Variants in ATL3 observed in about 807,000 individuals in gnomAD.
ATL3 encodes atlastin GTPase 3.
In ATL3, 49 loss-of-function variants were observed where a neutral mutation model predicts 69.5. The observed-to-expected ratio is 0.71, with a 90% CI of 0.56 to 0.89. The LOEUF (loss-of-function observed/expected upper bound fraction) is 0.89, where lower values mean the gene tolerates loss of function less well. Ranked by LOEUF, ATL3 falls within the 40% of genes least tolerant of loss-of-function variation. The probability of loss-of-function intolerance (pLI) is 0.00; values close to 1 mark genes in which losing one functional copy is unlikely to be tolerated. For missense variants in ATL3, 606 were observed against 645.7 expected (o/e 0.94, Z 0.67); for synonymous variants, 214 against 224.1 (o/e 0.95, Z 0.40).
chr11:63,631,016 A>G (rs1939294762), intron 12 of ATL3, 24 bp downstream of exon 12: 4 of 1,575,526 alleles, frequency 2.5e-6, no homozygotes, highest in African/African-American at 1.4e-5. Flanking sequence ...ATCAACCCTC[A>G]GGCTCTTCAG....
chr11:63,658,958 A>G, intron 2 of ATL3, 54 bp from the exon 3 acceptor site: 1 of 1,590,848 alleles, frequency 6.3e-7, no homozygotes. Context: ...TTATGCATCA[A>G]GGATAATCTA....
intron 11 of ATL3, chr11:63,632,200 G>A: frequency 1.7e-6 from 1 of 588,122 alleles, no homozygotes; most frequent in Non-Finnish European, 3.2e-6. Flanking sequence ...ATGACCAATG[G>A]TGGCAGAGTC....
In ATL3 at chr11:63,624,233, TAGCA is replaced by T. The variant is rs2134448774; in HGVS notation, c.*5082_*5085del. The T allele has an allele frequency of 6.6e-6, 1 of 152,354 alleles. No homozygotes were observed. The highest frequency in any genetic ancestry group is 2.4e-5 in the African/African-American group (1 of 41,582). 9.4% of individuals were successfully genotyped at this position (152,354 alleles called of 1,614,324 possible). A position where few individuals can be genotyped will look rare whatever the true frequency, so the allele number is the denominator to read the frequency against. Reference sequence around the variant, plus strand: ...TCAAAGCCACTCAAAGGCAAGGGTCTAGCAGACAGTACTTTTAACAAATCATTTT... The same window carrying T: ...TCAAAGCCACTCAAAGGCAAGGGTCTGACAGTACTTTTAACAAATCATTTT... On this transcript the variant is annotated 3_prime_UTR_variant, in exon 13 of 13. Transcript: ENST00000398868.
upstream of ATL3, chr11:63,671,406 C>T (rs1940775833): frequency 1.3e-6 from 2 of 1,523,810 alleles, no homozygotes; most frequent in Non-Finnish European, 1.8e-6. Flanking sequence ...GGGAACGAAC[C>T]GGGCCCTGGA....
intron 1 of ATL3, among the ~76,000 whole-genome samples, chr11:63,669,608 A>G (rs1940709799): frequency 1.3e-5 from 2 of 152,116 alleles, no homozygotes; most frequent in South Asian, 4.1e-4. Flanking sequence ...CGTTACTTCT[A>G]TTTCATGAAT....
At chr11:63,649,544 T>C (rs887331519) in intron 5 of ATL3, among the ~76,000 whole-genome samples, 1 of 152,082 alleles carries the variant, frequency 6.6e-6, no homozygotes, top group Non-Finnish European at 1.5e-5. Context: ...TCTTTTTTTT[T>C]TTTTAAAGAC....
upstream of ATL3, chr11:63,671,882 A>G (rs528876487): frequency 2.9e-5 from 12 of 409,694 alleles, no homozygotes; most frequent in Non-Finnish European, 4.5e-5. Flanking sequence ...TCCTGGAACC[A>G]CCAGTGTGAG....
At chr11:63,668,785 T>A (rs183554040) in intron 1 of ATL3, among the ~76,000 whole-genome samples, 3 of 145,458 alleles carry the variant, frequency 2.1e-5, no homozygotes, top group Non-Finnish European at 3.0e-5. Flanking sequence ...GAATTAGCTG[T>A]GTTCCTTTTT....
At chr11:63,643,580 A>T in intron 7 of ATL3, 85 bp from the exon 8 acceptor site, 1 of 1,279,096 alleles carries the variant, frequency 7.8e-7, no homozygotes, top group Non-Finnish European at 1.1e-6. Flanking sequence ...CAAAGGAAAG[A>T]AGACTCCTCA....
intron 8 of ATL3, 122 bp downstream of exon 8, chr11:63,643,235 A>G (rs1939756595): frequency 1.8e-6 from 2 of 1,102,074 alleles, no homozygotes; most frequent in African/African-American, 1.6e-5. Flanking sequence ...ACTAGACTTT[A>G]AATACTACTC....
Position 63,652,490 on chromosome 11 carries a change from G to A in ATL3, c.491C>T (p.Thr164Ile), listed in dbSNP as rs763523407. Residue 164 changes from threonine (T) to isoleucine (I), a missense_variant, in exon 4 of 13, where the codon ACT (threonine) becomes ATT (isoleucine). Coordinates refer to ENST00000398868, the MANE Select transcript of ATL3 (RefSeq NM_015459.5). ...KDCATIFALS[T>I]MTSSVQIYNL... ...TTTTACCTGAACAGAACTAGTCATA[G>A]TGCTTAGAGCAAAGATGGTAGCACA... 2.5e-6 allele frequency: 4 copies of A among 1,603,690 alleles called. No individual in the cohort carries two copies. The South Asian group carries it at 3.4e-5, about 13-fold the overall frequency.
rs1197237349 is a variant in ATL3 at position 63,628,631 on chromosome 11, C to G, written c.*688G>C. The stretch of plus-strand genomic sequence containing the variant: ...CAGGCGGATCACAAGGTCAAGAGAC[C>G]AAGACCATCCTGGCCAACATGGTGA... On this transcript the variant is annotated 3_prime_UTR_variant, in exon 13 of 13. Coordinates refer to ENST00000398868, the MANE Select transcript of ATL3 (RefSeq NM_015459.5). The G allele has an allele frequency of 6.6e-6, 1 of 152,182 alleles. No individual in the cohort carries two copies. 9.4% of individuals were successfully genotyped at this position (152,182 alleles called of 1,614,324 possible). A position where few individuals can be genotyped will look rare whatever the true frequency, so the allele number is the denominator to read the frequency against.
intron 8 of ATL3, among the ~76,000 whole-genome samples, chr11:63,639,124 A>G (rs1476897636): frequency 1.3e-5 from 2 of 152,226 alleles, no homozygotes; most frequent in Non-Finnish European, 2.9e-5. Flanking sequence ...AAACTACGTT[A>G]GTTCTACTAA....
In ATL3 at chr11:63,666,273, A is replaced by C. The variant is rs190665244; in HGVS notation, c.46+5017T>G. ...AGGCTGGTCTCGAACTCCTGACCTCAGGTGATCCACCCGCCTCAGCCTCCC... is the reference window on the plus strand; with the variant it reads ...AGGCTGGTCTCGAACTCCTGACCTCCGGTGATCCACCCGCCTCAGCCTCCC... On this transcript the variant is annotated intron_variant, in intron 1 of 12. Transcript: ENST00000398868. Among the ~76,000 whole-genome samples the C allele has an allele frequency of 7.9e-3, 1,209 of 152,244 alleles. 10 individuals carry two copies. Among genetic ancestry groups the C allele is most frequent in the Non-Finnish European group, 0.013 (897 of 68,010 alleles).
intron 1 of ATL3, among the ~76,000 whole-genome samples, chr11:63,660,645 A>G (rs772192896): frequency 1.1e-4 from 17 of 152,118 alleles, no homozygotes; most frequent in Non-Finnish European, 1.8e-4. Context: ...TGGCTCGCAC[A>G]TATAGTCCCA....
intron 5 of ATL3, among the ~76,000 whole-genome samples, chr11:63,649,530 A>G (rs1393799082): frequency 1.3e-5 from 2 of 150,018 alleles, no homozygotes; most frequent in Admixed American, 1.3e-4. Context: ...ATATAATTTT[A>G]TTTTCTTTTT....
intron 10 of ATL3, among the ~76,000 whole-genome samples, chr11:63,634,647 T>C (rs561660209): frequency 1.1e-4 from 16 of 152,360 alleles, no homozygotes; most frequent in Middle Eastern, 3.4e-3. Context: ...AATTATGTTT[T>C]AACCAAATGA....
chr11:63,650,758 G>A (rs540283614), intron 5 of ATL3: 2 of 152,206 alleles, frequency 1.3e-5, no homozygotes, highest in South Asian at 2.1e-4. Flanking sequence ...GTAAGCATTC[G>A]AAAAATGGTT....
intron 1 of ATL3, among the ~76,000 whole-genome samples, chr11:63,671,039 G>C (rs1329789380): frequency 6.6e-6 from 1 of 152,170 alleles, no homozygotes; most frequent in Non-Finnish European, 1.5e-5. Flanking sequence ...GGCGGCACCA[G>C]GGCCCGAGCC....
Sources: allele counts gnomAD v4.1 joint callset (sites outside exome capture counted in the v4.1 genomes callset), GRCh38; gene constraint gnomAD v4.1.1; transcripts MANE v1.5; gene names NCBI Gene and HGNC (gene_info 2026-07-23, HGNC 2026-07-21).